The following TESK2 variants were observed in gnomAD, a reference collection of about 807,000 sequenced individuals.
TESK2 encodes dual specificity testis-specific protein kinase 2.
Under a neutral mutation model 57.1 loss-of-function variants are expected in TESK2, and 39 were observed. The ratio of observed to expected loss-of-function variants is 0.68; its 90% CI spans 0.53 to 0.89. TESK2 has a LOEUF of 0.89. Ranked by LOEUF, TESK2 falls within the 40% of genes least tolerant of loss-of-function variation. The pLI is 0.00. For synonymous variants in TESK2, 249 were observed against 267.9 expected, an observed-to-expected ratio of 0.93 and a Z score of 0.69; for missense variants, 646 against 732.1, an observed-to-expected ratio of 0.88 and a Z score of 1.36.
rs188428991 is a variant in TESK2, at chr1:45,386,685, C to T, written c.345-725G>A. Among the ~76,000 whole-genome samples the T allele has an allele frequency of 1.8e-3, 277 of 151,552 alleles. 5 individuals carry two copies. Among genetic ancestry groups the T allele is most frequent in the African/African-American group, 6.3e-3 (256 of 40,952 alleles). On this transcript the variant is annotated intron_variant, in intron 3 of 10. Transcript: ENST00000372086. ...TTGCTTTTTTTTTGAGACAGAGTCTCACCCTGTTGCCAAGCTGGAGTACAG... is the reference window on the plus strand; with the variant it reads ...TTGCTTTTTTTTTGAGACAGAGTCTTACCCTGTTGCCAAGCTGGAGTACAG...
At chr1:45,475,364 G>GC (rs1373703693) in intron 1 of TESK2, among the ~76,000 whole-genome samples, 2 of 151,404 alleles carry the variant, frequency 1.3e-5, no homozygotes, top group Non-Finnish European at 2.9e-5. Flanking sequence ...GTGCCACCAC[G>GC]CCTGGCTAAT....
intron 2 of TESK2, among the ~76,000 whole-genome samples, chr1:45,424,643 T>A (rs1650614232): frequency 6.6e-6 from 1 of 152,218 alleles, no homozygotes; most frequent in Non-Finnish European, 1.5e-5. Flanking sequence ...TCACTCTTCT[T>A]ATTTTTCCAT....
At chr1:45,429,256 C>A (rs947038735) in intron 2 of TESK2, among the ~76,000 whole-genome samples, 1 of 151,954 alleles carries the variant, frequency 6.6e-6, no homozygotes, top group Non-Finnish European at 1.5e-5. Flanking sequence ...ATTAGCCAGG[C>A]GTGATGGTGC....
rs756175448 is a variant in TESK2 at position 45,475,083 on chromosome 1, GAA to G, written c.-87+15767_-87+15768del. ...TATCTCAAAAAAAAAAAAAAAAAAA[GAA>G]AAGAAAAGAAAGGCAACTCACCTTT... On this transcript the variant is annotated intron_variant, in intron 1 of 10. Coordinates refer to ENST00000372086, the MANE Select transcript of TESK2 (RefSeq NM_007170.3). 8.5e-4 allele frequency among the ~76,000 whole-genome samples: 73 copies of G among 86,232 alleles called. 7 individuals are homozygous for G. The highest frequency in any genetic ancestry group is 1.5e-3 in the South Asian group (4 of 2,688). 56.6% of individuals were successfully genotyped at this position (86,232 alleles called of 152,430 possible).
At chr1:45,436,355 T>C (rs762817375) in intron 2 of TESK2, among the ~76,000 whole-genome samples, 143 of 150,482 alleles carry the variant, frequency 9.5e-4, no homozygotes, top group Non-Finnish European at 1.5e-3. Flanking sequence ...TGGATAATTT[T>C]TGTATTTTTA....
intron 3 of TESK2, among the ~76,000 whole-genome samples, chr1:45,418,892 T>C (rs1011886108): frequency 6.6e-6 from 1 of 152,024 alleles, no homozygotes; most frequent in African/African-American, 2.4e-5. Context: ...TAAGCAGATA[T>C]ACTTACTATG....
At chr1:45,456,527 T>TA (rs1652102807) in intron 2 of TESK2, among the ~76,000 whole-genome samples, 1 of 149,784 alleles carries the variant, frequency 6.7e-6, no homozygotes, top group Non-Finnish European at 1.5e-5. Context: ...TCAAAAAAAA[T>TA]AAAAATAAAA....
chr1:45,345,121 A>G lies in TESK2; in HGVS notation c.1435T>C (p.Ser479Pro), dbSNP rs1208534329. The change falls in exon 11 of 11, where the codon TCT becomes CCT. Residue 479 changes from serine (S) to proline (P), a missense_variant. Physicochemically the swap from Ser to Pro is moderately conservative, Grantham distance 74 (BLOSUM62 -1). Coordinates refer to ENST00000372086, the MANE Select transcript of TESK2 (RefSeq NM_007170.3). ...CPFVGREESL[S>P]DGPPPRLSSL... ...CTTAGGCGTGGTGGGGGCCCATCAG[A>G]TAGCGATTCTTCCCGGCCCACAAAT... The G allele has an allele frequency of 6.2e-7, 1 of 1,614,190 alleles. No individual in the cohort carries two copies. Among genetic ancestry groups the G allele is most frequent in the East Asian group, 2.2e-5 (1 of 44,884 alleles).
chr1:45,429,458 TAAGGATATGG>T (rs941913752), intron 2 of TESK2, among the ~76,000 whole-genome samples: 3 of 152,078 alleles, frequency 2.0e-5, no homozygotes, highest in Non-Finnish European at 2.9e-5. Context: ...AAGAAATTAG[TAAGGATATGG>T]AACATTTCAA....
chr1:45,399,923 T>C (rs542800344), intron 3 of TESK2, among the ~76,000 whole-genome samples: 24 of 152,276 alleles, frequency 1.6e-4, no homozygotes, highest in Admixed American at 9.2e-4. Flanking sequence ...TATTTAATTA[T>C]GGGTTAATAG....
intron 3 of TESK2, among the ~76,000 whole-genome samples, chr1:45,397,448 A>C (rs1262249984): frequency 6.6e-6 from 1 of 152,188 alleles, no homozygotes. Flanking sequence ...ACTGCTACTC[A>C]AAAAGCTTTT....
At chr1:45,428,826 T>TTTTA (rs1650824833) in intron 2 of TESK2, among the ~76,000 whole-genome samples, 1 of 134,380 alleles carries the variant, frequency 7.4e-6, no homozygotes, top group African/African-American at 2.8e-5. Context: ...ATTTTTTTTT[T>TTTTA]TTTTTTTTTT....
chr1:45,348,356 C>A (rs1335682680), intron 5 of TESK2, among the ~76,000 whole-genome samples: 1 of 152,222 alleles, frequency 6.6e-6, no homozygotes, highest in East Asian at 1.9e-4. Flanking sequence ...AACAGACTAT[C>A]AGGCCCCTGG....
chr1:45,471,359 T>C (rs1652754295), intron 1 of TESK2, among the ~76,000 whole-genome samples: 1 of 152,106 alleles, frequency 6.6e-6, no homozygotes, highest in African/African-American at 2.4e-5. Context: ...TTCCAAGAAC[T>C]CAGTCTCCTG....
chr1:45,453,078 G>C (rs1570746344), intron 2 of TESK2, among the ~76,000 whole-genome samples: 1 of 151,850 alleles, frequency 6.6e-6, no homozygotes, highest in African/African-American at 2.4e-5. Flanking sequence ...TGGACATGGT[G>C]GTGCACACCT....
chr1:45,367,870 G>C (rs1648000381), intron 4 of TESK2, among the ~76,000 whole-genome samples: 1 of 151,068 alleles, frequency 6.6e-6, no homozygotes, highest in South Asian at 2.1e-4. Context: ...TGTTGGCCAG[G>C]CTGGTCTCGA....
At chr1:45,452,421 A>C (rs1402926509) in intron 2 of TESK2, among the ~76,000 whole-genome samples, 1 of 152,234 alleles carries the variant, frequency 6.6e-6, no homozygotes, top group African/African-American at 2.4e-5. Context: ...GAACTACAAA[A>C]AAAATCAACA....
rs925603978 is a variant in TESK2, at chr1:45,413,577, TTTTC to T, written c.344+8144_344+8147del. On this transcript the variant is annotated intron_variant, in intron 3 of 10. Coordinates refer to ENST00000372086, the MANE Select transcript of TESK2 (RefSeq NM_007170.3). The stretch of plus-strand genomic sequence containing the variant: ...AGAATTTTCAACTCATTCTTTTTCT[TTTTC>T]TTTCTTTCTTTCTTTCCTTCATTTC... 2.3e-4 allele frequency among the ~76,000 whole-genome samples: 35 copies of T among 152,320 alleles called. 1 individual carries two copies. In the East Asian group the frequency reaches 2.5e-3, roughly 11 times the overall value.
chr1:45,352,732 TGTG>T (rs1184462456), intron 5 of TESK2, among the ~76,000 whole-genome samples: 1 of 149,090 alleles, frequency 6.7e-6, no homozygotes, highest in Non-Finnish European at 1.5e-5. Flanking sequence ...AGGAGACACT[TGTG>T]TGTGTGTGTG....
Sources: gnomAD v4.1 joint callset for allele counts (sites outside exome capture counted in the v4.1 genomes callset) on GRCh38, gnomAD v4.1.1 for gene constraint, MANE v1.5 for transcripts, NCBI Gene and HGNC (gene_info 2026-07-23, HGNC 2026-07-21) for gene names.